Variants in KLF8 observed in about 807,000 individuals in gnomAD.
The protein encoded by KLF8 is KLF transcription factor 8.
Under a neutral mutation model 18.2 loss-of-function variants are expected in KLF8, and 10 were observed. That is an observed-to-expected ratio of 0.55 (90% CI 0.34 to 0.93). The LOEUF (loss-of-function observed/expected upper bound fraction) is 0.93. Ranked by LOEUF, KLF8 falls within the 40% of genes least tolerant of loss-of-function variation. KLF8 has a pLI of 0.02. For synonymous variants in KLF8, 109 were observed against 97.3 expected, an observed-to-expected ratio of 1.12 and a Z score of -0.71; for missense variants, 264 against 277.9, an observed-to-expected ratio of 0.95 and a Z score of 0.36.
chrX:56,074,411 G>T, the KLF8 span, among the ~76,000 whole-genome samples: 1 of 110,911 alleles, frequency 9.0e-6, no homozygotes, highest in Non-Finnish European at 1.9e-5. Flanking sequence ...TCTTCTAAGA[G>T]TTTTATGTTT....
At chrX:55,931,961 G>T in the KLF8 span, among the ~76,000 whole-genome samples, 9 of 110,613 alleles carry the variant, frequency 8.1e-5, no homozygotes, top group South Asian at 3.6e-3. Context: ...AATATTGACA[G>T]TGAGGTGTTA....
the KLF8 span, among the ~76,000 whole-genome samples, chrX:55,989,436 C>T: frequency 1.8e-5 from 2 of 112,314 alleles, no homozygotes; most frequent in East Asian, 5.6e-4. Context: ...CTGTCAAAGG[C>T]CTTTTCTGCA....
intron 1 of KLF8, among the ~76,000 whole-genome samples, chrX:56,249,593 G>GA (rs903724460): frequency 2.7e-5 from 3 of 110,749 alleles, no homozygotes; most frequent in Non-Finnish European, 3.8e-5. Context: ...TGTGGCTTAG[G>GA]AAAAAAAAGG....
the KLF8 span, among the ~76,000 whole-genome samples, chrX:56,212,883 C>T: frequency 1.8e-5 from 2 of 111,789 alleles, no homozygotes; most frequent in East Asian, 2.8e-4. Context: ...TCTTGCTCCA[C>T]CTCTCAGCAT....
the KLF8 span, among the ~76,000 whole-genome samples, chrX:56,123,190 A>C: frequency 5.5e-5 from 6 of 109,602 alleles, no homozygotes; most frequent in Non-Finnish European, 7.6e-5. Context: ...CTTTCACCCC[A>C]AGCATGTTTG....
the KLF8 span, among the ~76,000 whole-genome samples, chrX:56,037,523 C>T: frequency 9.0e-6 from 1 of 111,548 alleles, no homozygotes; most frequent in Non-Finnish European, 1.9e-5. Context: ...TAAAATTCAG[C>T]AGTGAAGCCA....
chrX:56,241,055 G>A (rs1247485288), intron 1 of KLF8, among the ~76,000 whole-genome samples: 1 of 112,261 alleles, frequency 8.9e-6, no homozygotes. Context: ...ATACATTGAG[G>A]TAGGGGGAGT....
the KLF8 span, among the ~76,000 whole-genome samples, chrX:56,130,060 C>T: frequency 2.5e-3 from 275 of 110,023 alleles, 1 homozygote; most frequent in African/African-American, 8.1e-3. Context: ...ACATGCCTAA[C>T]CCACCCCAGT....
chrX:56,029,956 G>T, the KLF8 span, among the ~76,000 whole-genome samples: 5 of 112,102 alleles, frequency 4.5e-5, no homozygotes, highest in Non-Finnish European at 9.4e-5. Context: ...GTAACTGCGA[G>T]ATATTCATTC....
At chrX:56,135,224 T>A in the KLF8 span, among the ~76,000 whole-genome samples, 2 of 111,482 alleles carry the variant, frequency 1.8e-5, no homozygotes, top group African/African-American at 6.5e-5. Context: ...GGACTATAAA[T>A]CATGCTGCTA....
chrX:56,057,017 C>A, the KLF8 span, among the ~76,000 whole-genome samples: 1 of 100,217 alleles, frequency 1.0e-5, no homozygotes, highest in Non-Finnish European at 2.1e-5. Flanking sequence ...CACTTGTCAC[C>A]TGTGACAGGG....
At chrX:55,940,798 C>T in the KLF8 span, among the ~76,000 whole-genome samples, 3 of 111,290 alleles carry the variant, frequency 2.7e-5, no homozygotes, top group African/African-American at 9.8e-5. Context: ...AATAAAATAC[C>T]TAGGAATCCA....
At chrX:56,157,576 G>A in the KLF8 span, among the ~76,000 whole-genome samples, 25 of 110,187 alleles carry the variant, frequency 2.3e-4, no homozygotes, top group African/African-American at 6.9e-4. Flanking sequence ...TTTAACGATC[G>A]TCATTGTAAC....
At chrX:56,181,650 C>T in the KLF8 span, among the ~76,000 whole-genome samples, 1 of 111,641 alleles carries the variant, frequency 9.0e-6, no homozygotes, top group South Asian at 3.8e-4. Context: ...TCTTGAAAGG[C>T]AGGCCTGGTG....
At chrX:56,109,656 G>T in the KLF8 span, among the ~76,000 whole-genome samples, 2 of 111,228 alleles carry the variant, frequency 1.8e-5, no homozygotes, top group Non-Finnish European at 3.8e-5. Flanking sequence ...ATATAATTTT[G>T]ATTCTGTTGC....
chrX:56,203,174 T>G, the KLF8 span, among the ~76,000 whole-genome samples: 1 of 112,604 alleles, frequency 8.9e-6, no homozygotes, highest in Non-Finnish European at 1.9e-5. Flanking sequence ...TCTCTAATGA[T>G]CAATGATGTT....
At chrX:56,268,938 C>G (rs1440515161) in intron 3 of KLF8, 1 of 950,808 alleles carries the variant, frequency 1.1e-6, no homozygotes, top group Admixed American at 3.5e-5. Flanking sequence ...GGTGGATGTT[C>G]TCACATCTGG....
the KLF8 span, among the ~76,000 whole-genome samples, chrX:55,977,638 G>A: frequency 1.5e-4 from 17 of 111,254 alleles, no homozygotes; most frequent in African/African-American, 2.9e-4. Flanking sequence ...CTATTCCGCC[G>A]TCTTGCTTGT....
At chrX:56,069,969 C>G in the KLF8 span, among the ~76,000 whole-genome samples, 3 of 112,815 alleles carry the variant, frequency 2.7e-5, no homozygotes, top group Non-Finnish European at 3.7e-5. Context: ...TATTGCAGCA[C>G]TATTCACAAT....
Sources: allele counts gnomAD v4.1 joint callset (sites outside exome capture counted in the v4.1 genomes callset), GRCh38; gene constraint gnomAD v4.1.1; transcripts MANE v1.5; gene names NCBI Gene and HGNC (gene_info 2026-07-23, HGNC 2026-07-21).